The following ZSWIM5 variants were observed in gnomAD, a reference collection of about 807,000 sequenced individuals.
The protein encoded by ZSWIM5 is zinc finger SWIM domain-containing protein 5.
ZSWIM5 carries 55 observed loss-of-function variants against 119.6 expected under a neutral mutation model. The ratio of observed to expected loss-of-function variants is 0.46; its 90% CI spans 0.37 to 0.58. ZSWIM5 has a LOEUF of 0.58. Among genes scored for constraint, ZSWIM5 ranks in the 20% least tolerant of loss-of-function variants. ZSWIM5 has a pLI of 0.00. For missense variants in ZSWIM5, 1,193 were observed against 1,512.8 expected (o/e 0.79, Z 3.51); for synonymous variants, 537 against 606.9 (o/e 0.88, Z 1.69).
intron 1 of ZSWIM5, among the ~76,000 whole-genome samples, chr1:45,165,493 A>C (rs1341935935): frequency 6.6e-6 from 1 of 152,136 alleles, no homozygotes; most frequent in Non-Finnish European, 1.5e-5. Context: ...AGATAGAGAC[A>C]CAAAAAACCC....
intron 11 of ZSWIM5, among the ~76,000 whole-genome samples, chr1:45,032,135 CT>C (rs927000255): frequency 6.6e-5 from 10 of 151,852 alleles, no homozygotes; most frequent in African/African-American, 1.9e-4. Context: ...GTTCATCTCT[CT>C]TTTTTTTAAG....
Position 45,020,621 on chromosome 1 carries a change from A to G in ZSWIM5, c.2613+4T>C, listed in dbSNP as rs772654454. The G allele has an allele frequency of 7.4e-6, 12 of 1,613,258 alleles. No homozygotes were observed. Among genetic ancestry groups the G allele is most frequent in the African/African-American group, 1.3e-5 (1 of 74,794 alleles). On this transcript the variant is annotated splice_donor_region_variant and intron_variant, in intron 12 of 13. Coordinates refer to ENST00000359600, the MANE Select transcript of ZSWIM5 (RefSeq NM_020883.2). ...ACTGTGGATGGCCTACTCTTCCTCC[A>G]TACCTGTAACCCAAGTTCCAGGGCA...
intron 2 of ZSWIM5, among the ~76,000 whole-genome samples, chr1:45,077,256 A>G (rs2149007076): frequency 6.6e-6 from 1 of 152,318 alleles, no homozygotes. Flanking sequence ...ACCTGCCCCA[A>G]TAATCACGTA....
intron 1 of ZSWIM5, among the ~76,000 whole-genome samples, chr1:45,116,335 G>A (rs554078617): frequency 5.0e-4 from 76 of 152,272 alleles, no homozygotes; most frequent in Non-Finnish European, 9.4e-4. Context: ...CTGAGCTATC[G>A]ATACGGTTGT....
At chr1:45,043,125 T>C in intron 6 of ZSWIM5, 94 bp downstream of exon 6, 1 of 1,240,338 alleles carries the variant, frequency 8.1e-7, no homozygotes, top group Non-Finnish European at 1.2e-6. Context: ...GTCCAAATTG[T>C]AGTTTGAGTT....
At chr1:45,103,315 G>A (rs1645451345) in intron 1 of ZSWIM5, among the ~76,000 whole-genome samples, 1 of 152,168 alleles carries the variant, frequency 6.6e-6, no homozygotes, top group Admixed American at 6.5e-5. Context: ...TGCTTCCCAT[G>A]TATTAACTAA....
intron 1 of ZSWIM5, among the ~76,000 whole-genome samples, chr1:45,179,028 TA>T (rs1056150321): frequency 7.9e-5 from 12 of 151,612 alleles, no homozygotes; most frequent in Non-Finnish European, 1.6e-4. Context: ...AACAAACAAT[TA>T]AAAAATGAAA....
At chr1:45,028,627 G>C (rs1644933956) in intron 11 of ZSWIM5, among the ~76,000 whole-genome samples, 1 of 151,972 alleles carries the variant, frequency 6.6e-6, no homozygotes, top group African/African-American at 2.4e-5. Flanking sequence ...ATGGTGGCAG[G>C]CACCTGTAGT....
chr1:45,091,838 T>C (rs1293130728), intron 1 of ZSWIM5, among the ~76,000 whole-genome samples: 1 of 152,180 alleles, frequency 6.6e-6, no homozygotes, highest in Non-Finnish European at 1.5e-5. Context: ...GAATATTCGT[T>C]AGATTTGAGA....
At chr1:45,094,640 A>G (rs537537467) in intron 1 of ZSWIM5, among the ~76,000 whole-genome samples, 1 of 152,172 alleles carries the variant, frequency 6.6e-6, no homozygotes, top group African/African-American at 2.4e-5. Flanking sequence ...AGGCAGGTGG[A>G]TCACTTGAGC....
chr1:45,025,547 T>C (rs1644915906), intron 11 of ZSWIM5, among the ~76,000 whole-genome samples: 1 of 152,240 alleles, frequency 6.6e-6, no homozygotes, highest in Admixed American at 6.5e-5. Flanking sequence ...GTTAGATTTA[T>C]TCCTAAGTAC....
At chr1:45,112,024 G>T (rs1645521672) in intron 1 of ZSWIM5, among the ~76,000 whole-genome samples, 2 of 152,078 alleles carry the variant, frequency 1.3e-5, no homozygotes, top group African/African-American at 2.4e-5. Context: ...ATTTATTAAG[G>T]TATAATTGAC....
chr1:45,190,418 CAAG>C (rs1020136178), intron 1 of ZSWIM5, among the ~76,000 whole-genome samples: 1 of 152,112 alleles, frequency 6.6e-6, no homozygotes, highest in Non-Finnish European at 1.5e-5. Context: ...AGGAGCGGGA[CAAG>C]ATCAGCTGTG....
At chr1:45,145,149 A>AC (rs1487457894) in intron 1 of ZSWIM5, among the ~76,000 whole-genome samples, 1 of 152,178 alleles carries the variant, frequency 6.6e-6, no homozygotes, top group Non-Finnish European at 1.5e-5. Context: ...GTAAAATAAA[A>AC]AATATTGACA....
rs773284615 is a variant in ZSWIM5, at chr1:45,040,418, A to G, written c.1730T>C (p.Leu577Pro). 6.2e-7 allele frequency: 1 copy of G among 1,611,118 alleles called. No homozygotes were observed. The highest frequency in any genetic ancestry group is 8.5e-7 in the Non-Finnish European group (1 of 1,178,716). ...TTTCTTCTGATGCTTGTAGATTTCC[A>G]GTTGCCGCTGCTGCTGCAACCTCAG... ...NTLRLQQQRQ[L>P]EIYKHQKKEL... is the part of the protein sequence containing the mutation. Residue 577 changes from leucine to proline, a missense_variant, in exon 7 of 14, where the codon CTG (leucine) becomes CCG (proline). Physicochemically the swap from Leu to Pro is moderately conservative, Grantham distance 98 (BLOSUM62 -3). Transcript: ENST00000359600.
At chr1:45,174,511 T>C (rs1293084700) in intron 1 of ZSWIM5, among the ~76,000 whole-genome samples, 1 of 149,700 alleles carries the variant, frequency 6.7e-6, no homozygotes, top group Non-Finnish European at 1.5e-5. Flanking sequence ...GGTGGGCGGA[T>C]CACTTTAGGC....
intron 2 of ZSWIM5, among the ~76,000 whole-genome samples, chr1:45,073,900 A>G (rs1343823803): frequency 1.3e-5 from 2 of 152,012 alleles, no homozygotes; most frequent in Non-Finnish European, 2.9e-5. Flanking sequence ...ATGTTGAGGT[A>G]TGTTCCTTCT....
chr1:45,171,484 C>T (rs968785988), intron 1 of ZSWIM5, among the ~76,000 whole-genome samples: 18 of 151,952 alleles, frequency 1.2e-4, no homozygotes, highest in Non-Finnish European at 2.5e-4. Flanking sequence ...GTCTCTGAAA[C>T]GAAAGTCTAC....
At position 45,177,115 on chromosome 1, in the gene ZSWIM5, A is replaced by G. The variant is rs867869583; in HGVS notation, c.595+28641T>C. ...GAGGAGGGAAGAGAAGAGCAGTATC[A>G]TTGTATGACACCTCATAATTAGCTA... On this transcript the variant is annotated intron_variant, in intron 1 of 13. Coordinates refer to ENST00000359600, the MANE Select transcript of ZSWIM5 (RefSeq NM_020883.2). 1.3e-3 allele frequency among the ~76,000 whole-genome samples: 192 copies of G among 152,166 alleles called. 3 individuals are homozygous for G. Among genetic ancestry groups the G allele is most frequent in the African/African-American group, 4.4e-3 (181 of 41,454 alleles).
Sources: gnomAD v4.1 joint callset for allele counts (sites outside exome capture counted in the v4.1 genomes callset) on GRCh38, gnomAD v4.1.1 for gene constraint, MANE v1.5 for transcripts, NCBI Gene and HGNC (gene_info 2026-07-23, HGNC 2026-07-21) for gene names.